Variants in STRN3 observed in about 807,000 individuals in gnomAD.
STRN3 encodes the protein striatin-3.
In STRN3, 29 loss-of-function variants were observed where a neutral mutation model predicts 95.6. The ratio of observed to expected loss-of-function variants is 0.30; its 90% CI spans 0.23 to 0.41. The LOEUF (loss-of-function observed/expected upper bound fraction) is 0.41. STRN3 is among the 10% of genes least tolerant of loss of function. The pLI, the probability that STRN3 is intolerant of heterozygous loss-of-function variation, is 1.00. For missense variants in STRN3, 890 were observed against 972.1 expected, an observed-to-expected ratio of 0.92 and a Z score of 1.12; for synonymous variants, 331 against 357.6, an observed-to-expected ratio of 0.93 and a Z score of 0.84.
chr14:30,942,666 T>A (rs1566448330), intron 5 of STRN3, among the ~76,000 whole-genome samples: 1 of 152,306 alleles, frequency 6.6e-6, no homozygotes, highest in East Asian at 1.9e-4. Context: ...CAATGAGTCC[T>A]TATAAAGTAG....
chr14:30,949,448 T>C (rs1462968516), intron 4 of STRN3, among the ~76,000 whole-genome samples: 1 of 152,066 alleles, frequency 6.6e-6, no homozygotes, highest in Non-Finnish European at 1.5e-5. Flanking sequence ...CTATTTCTAC[T>C]AAAAATACAA....
chr14:31,022,378 A>C (rs1318592439), intron 1 of STRN3, among the ~76,000 whole-genome samples: 4 of 71,546 alleles, frequency 5.6e-5, no homozygotes, highest in Non-Finnish European at 1.2e-4. Flanking sequence ...GCGAGACTCC[A>C]TCTCAAAAAA....
intron 5 of STRN3, among the ~76,000 whole-genome samples, chr14:30,943,448 GAATCAGCC>G (rs1879188870): frequency 6.6e-6 from 1 of 151,978 alleles, no homozygotes; most frequent in Non-Finnish European, 1.5e-5. Context: ...AAAACTTAAA[GAATCAGCC>G]AGGTGTGGTG....
At chr14:30,981,606 A>ACACACACACACACC (rs1491272307) in intron 1 of STRN3, among the ~76,000 whole-genome samples, 10 of 148,600 alleles carry the variant, frequency 6.7e-5, no homozygotes, top group East Asian at 3.9e-4. Context: ...ACACACACAC[A>ACACACACACACACC]CCCCATAATT....
At position 30,920,812 on chromosome 14, in the gene STRN3, C is replaced by A. The variant is rs1292981679; in HGVS notation, c.1100-1706G>T. ...TATATCTCCCTTCACTCAGAAACCACAAGTAGCAGCACTTCCACACTCTTT... is the reference window on the plus strand; with the variant it reads ...TATATCTCCCTTCACTCAGAAACCAAAAGTAGCAGCACTTCCACACTCTTT... On this transcript the variant is annotated intron_variant, in intron 8 of 17. Transcript: ENST00000357479. 8.5e-5 allele frequency among the ~76,000 whole-genome samples: 13 copies of A among 152,232 alleles called. No individual in the cohort carries two copies. In the East Asian group the frequency reaches 2.5e-3, roughly 29 times the overall value.
intron 1 of STRN3, among the ~76,000 whole-genome samples, chr14:31,022,084 G>A (rs1226522110): frequency 6.6e-6 from 1 of 152,162 alleles, no homozygotes; most frequent in East Asian, 1.9e-4. Flanking sequence ...ACACCTTTAT[G>A]AAAAATCACT....
At chr14:30,946,227 G>A (rs74824631) in intron 5 of STRN3, among the ~76,000 whole-genome samples, 77 of 152,160 alleles carry the variant, frequency 5.1e-4, no homozygotes, top group Admixed American at 2.1e-3. Context: ...CACCTATTTC[G>A]AACTAGTCAT....
chr14:30,922,100 G>A (rs1478181655), intron 8 of STRN3, among the ~76,000 whole-genome samples: 1 of 151,974 alleles, frequency 6.6e-6, no homozygotes, highest in Non-Finnish European at 1.5e-5. Flanking sequence ...TGTTGTCCAG[G>A]CTGGTCTTGA....
At position 31,018,356 on chromosome 14, in the gene STRN3, G is replaced by C. The variant is rs557892748; in HGVS notation, c.282+7548C>G. 5 of 324,514 alleles carry C rather than the reference G, an allele frequency of 1.5e-5. No individual in the cohort carries two copies. The East Asian group carries it at 3.8e-4, about 25-fold the overall frequency. The allele number at this position is 324,514 out of a possible 1,614,324, so 20.1% of individuals were successfully genotyped here. A position where few individuals can be genotyped will look rare whatever the true frequency, so the allele number is the denominator to read the frequency against. Reference sequence around the variant, plus strand: ...GTACCCCCAGCATCTAGCAGTGTTGGCATGTAGTGGGCACTCAAAGAAATG... The same window carrying C: ...GTACCCCCAGCATCTAGCAGTGTTGCCATGTAGTGGGCACTCAAAGAAATG... On this transcript the variant is annotated intron_variant, in intron 1 of 17. Coordinates refer to ENST00000357479, the MANE Select transcript of STRN3 (RefSeq NM_001083893.2).
intron 1 of STRN3, among the ~76,000 whole-genome samples, chr14:31,015,180 T>G (rs2139335441): frequency 6.6e-6 from 1 of 152,302 alleles, no homozygotes; most frequent in East Asian, 1.9e-4. Flanking sequence ...TTGAAGGGTA[T>G]TCTGTGTCCA....
At chr14:30,929,967 A>AAAAAAACAAAAAAAAAAAAAAAAAAC (rs1878429818) in intron 7 of STRN3, among the ~76,000 whole-genome samples, 1 of 91,122 alleles carries the variant, frequency 1.1e-5, no homozygotes, top group African/African-American at 3.8e-5. Context: ...AAAAAAAAAA[A>AAAAAAACAAAAAAAAAAAAAAAAAAC]AAAAAAAAAA....
At chr14:30,952,365 C>A (rs2139131050) in intron 3 of STRN3, among the ~76,000 whole-genome samples, 1 of 152,150 alleles carries the variant, frequency 6.6e-6, no homozygotes, top group East Asian at 1.9e-4. Context: ...ATTCAAATGT[C>A]CTCTTCAGAC....
At chr14:30,978,352 T>A (rs937758325) in intron 1 of STRN3, among the ~76,000 whole-genome samples, 3 of 152,048 alleles carry the variant, frequency 2.0e-5, no homozygotes, top group Non-Finnish European at 4.4e-5. Context: ...TAACGCATCA[T>A]TAATTGGTTA....
intron 1 of STRN3, among the ~76,000 whole-genome samples, chr14:31,011,770 ATTTATT>A (rs1566491700): frequency 1.3e-5 from 2 of 152,074 alleles, no homozygotes; most frequent in Non-Finnish European, 2.9e-5. Flanking sequence ...AACCCTTTTT[ATTTATT>A]TTTATTTATT....
intron 7 of STRN3, among the ~76,000 whole-genome samples, chr14:30,929,970 A>AAAAAAAAC (rs1878440677): frequency 7.2e-6 from 1 of 139,290 alleles, no homozygotes; most frequent in Admixed American, 7.0e-5. Context: ...AAAAAAAAAA[A>AAAAAAAAC]AAAAAAAAAC....
At chr14:30,908,863 T>C (rs955624295) in intron 13 of STRN3, among the ~76,000 whole-genome samples, 6 of 152,354 alleles carry the variant, frequency 3.9e-5, no homozygotes, top group African/African-American at 1.4e-4. Context: ...ATGTATTATT[T>C]GTATAGAGAA....
intron 1 of STRN3, among the ~76,000 whole-genome samples, chr14:30,999,641 A>C (rs1414650769): frequency 6.6e-6 from 1 of 152,160 alleles, no homozygotes; most frequent in Non-Finnish European, 1.5e-5. Context: ...AGAAAGAACA[A>C]ATAATAAGGA....
chr14:31,020,965 T>A (rs549665810), intron 1 of STRN3, among the ~76,000 whole-genome samples: 28 of 152,132 alleles, frequency 1.8e-4, no homozygotes, highest in Non-Finnish European at 3.4e-4. Flanking sequence ...CTGTGTCTCA[T>A]ACATCATTAT....
intron 1 of STRN3, among the ~76,000 whole-genome samples, chr14:30,991,300 G>A (rs1357280419): frequency 1.3e-5 from 2 of 152,106 alleles, no homozygotes; most frequent in East Asian, 3.8e-4. Flanking sequence ...CAACCTATGA[G>A]AAACACAAAT....
Sources: gnomAD v4.1 joint callset for allele counts (sites outside exome capture counted in the v4.1 genomes callset) on GRCh38, gnomAD v4.1.1 for gene constraint, MANE v1.5 for transcripts, NCBI Gene and HGNC (gene_info 2026-07-23, HGNC 2026-07-21) for gene names.